The following ACACB variants were observed in gnomAD, a reference collection of about 807,000 sequenced individuals.
ACACB encodes acetyl-CoA carboxylase beta.
A neutral mutation model predicts 278.8 loss-of-function variants in ACACB; 209 were observed. That is an observed-to-expected ratio of 0.75 (90% CI 0.67 to 0.84). The LOEUF is 0.84. ACACB is among the 40% of genes least tolerant of loss of function. ACACB has a pLI of 0.00. For synonymous variants in ACACB, 1,174 were observed against 1,285.6 expected (o/e 0.91, Z 1.86); for missense variants, 2,850 against 3,269.0 (o/e 0.87, Z 3.13).
rs370023241 is a variant in ACACB at position 109,241,052 on chromosome 12, A to G, written c.4819-26A>G. 104 of 1,609,040 alleles carry G rather than the reference A, an allele frequency of 6.5e-5. 1 individual carries two copies. Among genetic ancestry groups the G allele is most frequent in the Non-Finnish European group, 8.3e-5 (98 of 1,176,022 alleles). Reference sequence around the variant, plus strand: ...GTCCTTGGGATGTCTTGGCCCTGAAACTGGAATTGCTGTGTTTTGGGGCAG... The same window carrying G: ...GTCCTTGGGATGTCTTGGCCCTGAAGCTGGAATTGCTGTGTTTTGGGGCAG... On this transcript the variant is annotated intron_variant, in intron 35 of 52. Coordinates refer to ENST00000338432, the MANE Select transcript of ACACB (RefSeq NM_001093.4).
chr12:109,126,689 A>C (rs545666911), intron 1 of ACACB, among the ~76,000 whole-genome samples: 3 of 151,662 alleles, frequency 2.0e-5, no homozygotes, highest in Non-Finnish European at 2.9e-5. Context: ...GTCTCTACAC[A>C]CACAAAAAAA....
chr12:109,174,810 C>T (rs1593468710), intron 7 of ACACB, among the ~76,000 whole-genome samples: 1 of 152,110 alleles, frequency 6.6e-6, no homozygotes, highest in Admixed American at 6.5e-5. Context: ...GTCGAGGTTA[C>T]AGTGAACTAT....
chr12:109,192,054 T>C, intron 15 of ACACB, 104 bp downstream of exon 15: 2 of 1,168,528 alleles, frequency 1.7e-6, no homozygotes, highest in African/African-American at 1.5e-5. Context: ...CACCAGGCAA[T>C]TGGTGAGTCT....
chr12:109,210,282 C>T (rs1565927745), intron 21 of ACACB, among the ~76,000 whole-genome samples: 3 of 14,856 alleles, frequency 2.0e-4, no homozygotes, highest in East Asian at 2.7e-3. Flanking sequence ...TATACACACA[C>T]ATATCTGTGT....
chr12:109,137,585 A>C lies in ACACB; in HGVS notation c.-9-1812A>C, dbSNP rs546114570. On this transcript the variant is annotated intron_variant, in intron 1 of 52. Coordinates refer to ENST00000338432, the MANE Select transcript of ACACB (RefSeq NM_001093.4). ...TGAGGCTCAAGAATCTCTTGAACCC[A>C]GGAGGCAGAGGTTGCAGTGAGCTGA... Among the ~76,000 whole-genome samples the C allele has an allele frequency of 2.4e-4, 36 of 151,966 alleles. No homozygotes were observed. In the East Asian group the frequency reaches 4.3e-3, roughly 18 times the overall value.
rs757462866 is a variant in ACACB at position 109,265,285 on chromosome 12, G to T, written c.7113+5G>T. 5.6e-6 allele frequency: 9 copies of T among 1,612,160 alleles called. No individual in the cohort carries two copies. The highest frequency in any genetic ancestry group is 7.6e-6 in the Non-Finnish European group (9 of 1,179,766). ...GAGACGGAGGGGGCTGTCAAGGTGG[G>T]CCTGGGGTGAGAACGAGGCCGGTGA... On this transcript the variant is annotated splice_donor_5th_base_variant and intron_variant, in intron 51 of 52. Coordinates refer to ENST00000338432, the MANE Select transcript of ACACB (RefSeq NM_001093.4).
At chr12:109,150,718 C>T (rs1462706166) in intron 2 of ACACB, among the ~76,000 whole-genome samples, 1 of 152,200 alleles carries the variant, frequency 6.6e-6, no homozygotes, top group Non-Finnish European at 1.5e-5. Flanking sequence ...GCTTGCAGTG[C>T]AGCCTCCCAG....
chr12:109,261,550 A>AG (rs2047376339), intron 48 of ACACB, among the ~76,000 whole-genome samples: 1 of 152,102 alleles, frequency 6.6e-6, no homozygotes, highest in African/African-American at 2.4e-5. Flanking sequence ...AAAAGGGGGC[A>AG]GGGGGAGAAT....
At chr12:109,128,753 T>C (rs1217964917) in intron 1 of ACACB, among the ~76,000 whole-genome samples, 1 of 126,694 alleles carries the variant, frequency 7.9e-6, no homozygotes, top group African/African-American at 3.0e-5. Context: ...TGTTGCTTTC[T>C]TTTTTTTTTT....
Position 109,256,209 on chromosome 12 carries a change from C to T in ACACB, c.6236C>T (p.Ala2079Val), listed in dbSNP as rs763546332. Reference sequence around the variant, plus strand: ...TTCAAGGAAATCATGGCACCCTGGGCGCAGACCGTGGTGACAGGACGAGCA... The same window carrying T: ...TTCAAGGAAATCATGGCACCCTGGGTGCAGACCGTGGTGACAGGACGAGCA... Reference protein sequence around the residue: ...GSFKEIMAPWAQTVVTGRARL... With the variant: ...GSFKEIMAPWVQTVVTGRARL... The change falls in exon 45 of 53, where the codon GCG (alanine) becomes GTG (valine). Residue 2079 changes from alanine to valine, a missense_variant. By Grantham distance (64) the Ala-to-Val change is moderately conservative. This residue lies in a region of ACACB where 579 missense variants were observed against 684.6 expected (regional missense o/e 0.85). Coordinates refer to ENST00000338432, the MANE Select transcript of ACACB (RefSeq NM_001093.4). 8.2e-5 allele frequency: 133 copies of T among 1,613,768 alleles called. No homozygotes were observed. Among genetic ancestry groups the T allele is most frequent in the Non-Finnish European group, 1.1e-4 (124 of 1,179,890 alleles).
intron 2 of ACACB, among the ~76,000 whole-genome samples, chr12:109,158,693 G>T (rs142842455): frequency 6.6e-6 from 1 of 152,120 alleles, no homozygotes; most frequent in Non-Finnish European, 1.5e-5. Flanking sequence ...AACAAATAAG[G>T]CTGGGTGCGG....
chr12:109,255,118 G>A (rs865840691), intron 44 of ACACB, among the ~76,000 whole-genome samples: 12 of 151,026 alleles, frequency 7.9e-5, no homozygotes, highest in Admixed American at 2.0e-4. Context: ...ACACACACAC[G>A]CACGTGGACA....
At chr12:109,133,240 TTCTCTCTC>T (rs55987918) in intron 1 of ACACB, among the ~76,000 whole-genome samples, 13 of 148,342 alleles carry the variant, frequency 8.8e-5, no homozygotes, top group East Asian at 6.0e-4. Flanking sequence ...GCACTTCTCT[TTCTCTCTC>T]TCTCTCTCTC....
At chr12:109,246,808 C>G (rs1211747702) in intron 39 of ACACB, among the ~76,000 whole-genome samples, 1 of 152,128 alleles carries the variant, frequency 6.6e-6, no homozygotes, top group African/African-American at 2.4e-5. Context: ...TGGCTCACAC[C>G]TGTCATCCCA....
At chr12:109,126,271 C>A (rs892088347) in intron 1 of ACACB, among the ~76,000 whole-genome samples, 1 of 152,172 alleles carries the variant, frequency 6.6e-6, no homozygotes, top group South Asian at 2.1e-4. Flanking sequence ...CTTTAGACTG[C>A]GGAACATGTT....
At chr12:109,149,320 C>A (rs868462668) in intron 2 of ACACB, among the ~76,000 whole-genome samples, 2 of 152,126 alleles carry the variant, frequency 1.3e-5, no homozygotes, top group African/African-American at 2.4e-5. Context: ...CATCATCTAC[C>A]TTCTCAGGGG....
intron 33 of ACACB, among the ~76,000 whole-genome samples, chr12:109,236,585 C>T (rs973455697): frequency 8.5e-5 from 13 of 152,140 alleles, no homozygotes; most frequent in African/African-American, 3.1e-4. Context: ...AACATTTACT[C>T]TCTGGCCATT....
intron 2 of ACACB, among the ~76,000 whole-genome samples, chr12:109,151,263 G>A (rs1215929310): frequency 6.6e-6 from 1 of 152,136 alleles, no homozygotes; most frequent in Non-Finnish European, 1.5e-5. Flanking sequence ...GATTACAGGT[G>A]TGAGCCACTG....
In ACACB at chr12:109,235,317, A is replaced by G. The variant is rs774223316; in HGVS notation, c.4352A>G (p.Asn1451Ser). 3.1e-6 allele frequency: 5 copies of G among 1,614,088 alleles called. No individual in the cohort carries two copies. In the South Asian group the frequency reaches 4.4e-5, roughly 14 times the overall value. The change falls in exon 32 of 53, where the codon AAT becomes AGT. Residue 1451 changes from asparagine to serine, a missense_variant. Coordinates refer to ENST00000338432, the MANE Select transcript of ACACB (RefSeq NM_001093.4). ...TGTCTTTGGTTTTTAATGCAGAAAA[A>G]TATCCTTGTGGATTATGGACTCCGA... ...ILRTFVQSKKNILVDYGLRRI... is the reference protein window; with the variant it reads ...ILRTFVQSKKSILVDYGLRRI...
Sources: gnomAD v4.1 joint callset for allele counts (sites outside exome capture counted in the v4.1 genomes callset) on GRCh38, gnomAD v4.1.1 for gene constraint, gnomAD v4.1.1 regional missense constraint, MANE v1.5 for transcripts, NCBI Gene and HGNC (gene_info 2026-07-23, HGNC 2026-07-21) for gene names.